Variants in AIMP1 observed in about 807,000 individuals in gnomAD.
The protein encoded by AIMP1 is aminoacyl tRNA synthase complex-interacting multifunctional protein 1.
A neutral mutation model predicts 33.1 loss-of-function variants in AIMP1; 24 were observed. The observed-to-expected ratio is 0.73, with a 90% CI of 0.53 to 1.02. The LOEUF (loss-of-function observed/expected upper bound fraction) is 1.02, where lower values mean the gene tolerates loss of function less well. AIMP1 is among the 50% of genes least tolerant of loss of function. The probability of loss-of-function intolerance (pLI) is 0.00; values close to 1 mark genes in which losing one functional copy is unlikely to be tolerated. For synonymous variants in AIMP1, 120 were observed against 121.5 expected (o/e 0.99, Z 0.08); for missense variants, 367 against 364.8 (o/e 1.01, Z -0.05).
At chr4:106,316,357 G>C (rs1768871519), upstream of AIMP1, 1 of 538,598 alleles carries the variant, frequency 1.9e-6, no homozygotes, top group Non-Finnish European at 3.4e-6. Context: ...GCGGGGGGAC[G>C]GGGGGGGTCG....
At chr4:106,347,427 G>A (rs1414183177) in intron 6 of AIMP1, 99 bp from the exon 7 acceptor site, 16 of 1,171,098 alleles carry the variant, frequency 1.4e-5, no homozygotes, top group Non-Finnish European at 1.3e-5. Context: ...ATCAGAAAAT[G>A]TTGCCAAAAC....
At chr4:106,322,438 T>A (rs1344167248) in intron 1 of AIMP1, among the ~76,000 whole-genome samples, 11 of 152,166 alleles carry the variant, frequency 7.2e-5, no homozygotes, top group Non-Finnish European at 1.6e-4. Context: ...TAGAAAACAT[T>A]AACATAAACT....
intron 1 of AIMP1, among the ~76,000 whole-genome samples, chr4:106,317,590 G>T (rs1051966209): frequency 2.6e-5 from 4 of 152,174 alleles, no homozygotes; most frequent in Non-Finnish European, 4.4e-5. Context: ...GAAATGGCCA[G>T]TTATATTCTT....
At chr4:106,319,199 A>C (rs1769101061) in intron 1 of AIMP1, among the ~76,000 whole-genome samples, 1 of 152,186 alleles carries the variant, frequency 6.6e-6, no homozygotes, top group Non-Finnish European at 1.5e-5. Context: ...CAAAGTAGTA[A>C]CTTACTTATG....
intron 1 of AIMP1, among the ~76,000 whole-genome samples, chr4:106,324,566 G>A (rs1464589199): frequency 6.6e-6 from 1 of 151,792 alleles, no homozygotes; most frequent in Non-Finnish European, 1.5e-5. Context: ...TTGTACCTAA[G>A]TGAATACACA....
chr4:106,327,710 G>A (rs1769506826), intron 3 of AIMP1, 146 bp downstream of exon 3: 1 of 639,654 alleles, frequency 1.6e-6, no homozygotes, highest in African/African-American at 1.8e-5. Context: ...CAATAAAATG[G>A]GGGCATGGAT....
intron 4 of AIMP1, among the ~76,000 whole-genome samples, chr4:106,330,676 T>G (rs1355642378): frequency 6.6e-6 from 1 of 152,186 alleles, no homozygotes; most frequent in East Asian, 1.9e-4. Flanking sequence ...AGATTTTGAG[T>G]GCCTTGACAA....
intron 5 of AIMP1, among the ~76,000 whole-genome samples, chr4:106,332,698 A>G (rs1769728809): frequency 6.7e-6 from 1 of 150,136 alleles, no homozygotes; most frequent in African/African-American, 2.4e-5. Flanking sequence ...ACATCTGTCT[A>G]TATAGATATA....
chr4:106,342,121 A>G (rs551745262), intron 6 of AIMP1, among the ~76,000 whole-genome samples: 2 of 152,262 alleles, frequency 1.3e-5, no homozygotes, highest in African/African-American at 2.4e-5. Context: ...AATGCTGCTG[A>G]TTTTTGTGCA....
intron 6 of AIMP1, among the ~76,000 whole-genome samples, chr4:106,345,452 CA>C (rs1770259502): frequency 2.0e-5 from 3 of 152,108 alleles, no homozygotes; most frequent in African/African-American, 4.8e-5. Context: ...GATTTACAAA[CA>C]AAAAATAAAA....
Position 106,328,284 on chromosome 4 carries a change from T to C in AIMP1, c.391+41T>C, listed in dbSNP as rs200176691. ...AAGCATATTTAGCTCTTGACTGGAT[T>C]ATCAGAAAATGTCAAGTTTTGATAA... On this transcript the variant is annotated intron_variant, in intron 4 of 6. Transcript: ENST00000672341. 100 of 1,555,032 alleles carry C rather than the reference T, an allele frequency of 6.4e-5. 1 individual carries two copies. The East Asian group carries it at 2.2e-3, about 35-fold the overall frequency.
At chr4:106,335,313 A>G (rs1769832968) in intron 5 of AIMP1, among the ~76,000 whole-genome samples, 1 of 152,170 alleles carries the variant, frequency 6.6e-6, no homozygotes, top group African/African-American at 2.4e-5. Context: ...TTTGGGCTTC[A>G]TCTTTTCTGT....
intron 5 of AIMP1, among the ~76,000 whole-genome samples, chr4:106,336,337 C>T (rs1368009730): frequency 2.0e-5 from 3 of 151,632 alleles, no homozygotes; most frequent in East Asian, 3.9e-4. Flanking sequence ...CCACCACACC[C>T]AGCCAATTTT....
intron 5 of AIMP1, among the ~76,000 whole-genome samples, chr4:106,333,222 C>CT (rs1166571099): frequency 3.9e-5 from 6 of 151,988 alleles, no homozygotes; most frequent in Admixed American, 2.6e-4. Flanking sequence ...ACTCGAGTAT[C>CT]TTTTTTTACC....
At chr4:106,322,503 T>G (rs1175656314) in intron 1 of AIMP1, among the ~76,000 whole-genome samples, 1 of 152,168 alleles carries the variant, frequency 6.6e-6, no homozygotes, top group Non-Finnish European at 1.5e-5. Flanking sequence ...TCAACAAGTA[T>G]TAGAAAACCT....
Position 106,347,687 on chromosome 4 carries a change from A to G in AIMP1, c.934A>G (p.Lys312Glu). The G allele has an allele frequency of 6.2e-7, 1 of 1,612,870 alleles. No individual in the cohort carries two copies. The highest frequency in any genetic ancestry group is 1.7e-4 in the Middle Eastern group (1 of 5,980). ...RAQTMSNSGI[K>E] ...TCAAACCATGAGCAACAGTGGAATC[A>G]AATAAAATGCTTCCACTACCAAAAG... The change falls in exon 7 of 7, where the codon AAA becomes GAA. Residue 312 changes from lysine (K) to glutamate (E), a missense_variant. Physicochemically the swap from Lys to Glu is moderately conservative, Grantham distance 56 (BLOSUM62 1). Coordinates refer to ENST00000672341, the MANE Select transcript of AIMP1 (RefSeq NM_001142416.2).
At chr4:106,333,744 T>TA (rs2125924964) in intron 5 of AIMP1, among the ~76,000 whole-genome samples, 1 of 152,306 alleles carries the variant, frequency 6.6e-6, no homozygotes, top group African/African-American at 2.4e-5. Context: ...GTATTGATGG[T>TA]ATATTTTATG....
intron 2 of AIMP1, 45 bp downstream of exon 2, chr4:106,325,163 C>A: frequency 2.7e-6 from 4 of 1,500,034 alleles, no homozygotes; most frequent in Non-Finnish European, 3.7e-6. Flanking sequence ...AAAATGAATT[C>A]ATACATTGAT....
At chr4:106,316,948 G>A (rs1341857489) in intron 1 of AIMP1, among the ~76,000 whole-genome samples, 1 of 152,156 alleles carries the variant, frequency 6.6e-6, no homozygotes, top group Non-Finnish European at 1.5e-5. Flanking sequence ...GTTATTAAGC[G>A]CCCACTCTAT....
Sources: allele counts gnomAD v4.1 joint callset (sites outside exome capture counted in the v4.1 genomes callset), GRCh38; gene constraint gnomAD v4.1.1; transcripts MANE v1.5; gene names NCBI Gene and HGNC (gene_info 2026-07-23, HGNC 2026-07-21).